Variants in TACR1 observed in about 807,000 individuals in gnomAD.
TACR1 encodes substance-P receptor.
Under a neutral mutation model 35.8 loss-of-function variants are expected in TACR1, and 25 were observed. That is an observed-to-expected ratio of 0.70 (90% CI 0.51 to 0.98). The LOEUF (loss-of-function observed/expected upper bound fraction) is 0.98. Among genes scored for constraint, TACR1 ranks in the 50% least tolerant of loss-of-function variants. The pLI is 0.00. For synonymous variants in TACR1, 195 were observed against 206.7 expected, an observed-to-expected ratio of 0.94 and a Z score of 0.48; for missense variants, 478 against 522.9, an observed-to-expected ratio of 0.91 and a Z score of 0.84.
chr2:75,154,410 G>GCGCGCGCGCGTGCGCGCGCA (rs1166779798), intron 1 of TACR1: 1 of 75,364 alleles, frequency 1.3e-5, no homozygotes, highest in African/African-American at 4.9e-5. Context: ...GAGCGCGCAC[G>GCGCGCGCGCGTGCGCGCGCA]CACACACACA....
chr2:75,125,311 G>C (rs539824029), intron 1 of TACR1, among the ~76,000 whole-genome samples: 344 of 152,140 alleles, frequency 2.3e-3, no homozygotes, highest in African/African-American at 8.0e-3. Flanking sequence ...AGTGTCCCAA[G>C]TAGCTGGGAT....
chr2:75,051,520 A>G, intron 3 of TACR1, 73 bp from the exon 4 acceptor site: 2 of 1,584,404 alleles, frequency 1.3e-6, no homozygotes, highest in Non-Finnish European at 1.7e-6. Context: ...CTCTCCTCCC[A>G]CGCCCTCACT....
At chr2:75,154,420 A>ACGCGCGCGCG (rs1457000396) in intron 1 of TACR1, 22 of 74,336 alleles carry the variant, frequency 3.0e-4, no homozygotes, top group African/African-American at 1.5e-3. Flanking sequence ...GCACACACAC[A>ACGCGCGCGCG]CACACACACA....
At chr2:75,143,140 T>C (rs1674442275) in intron 1 of TACR1, among the ~76,000 whole-genome samples, 1 of 152,134 alleles carries the variant, frequency 6.6e-6, no homozygotes, top group Non-Finnish European at 1.5e-5. Flanking sequence ...GCTGCCACAA[T>C]GAACCCAGGA....
chr2:75,161,662 A>T (rs1558575919), intron 1 of TACR1, among the ~76,000 whole-genome samples: 1 of 152,184 alleles, frequency 6.6e-6, no homozygotes, highest in African/African-American at 2.4e-5. Flanking sequence ...AACAGTAGAG[A>T]GAACAACAAA....
rs1202920543 is a variant in TACR1, at chr2:75,070,233, ATGTGTGTGTGTGTGTGTGTATGTGTG to A, written c.585-16504_585-16479del. ...ACATTGTATGTATGTGTGTGTGTGTATGTGTGTGTGTGTGTGTGTATGTGTGTGTGTGTGTGTTTTGAGCACTTCTT... is the reference window on the plus strand; with the variant it reads ...ACATTGTATGTATGTGTGTGTGTGTATGTGTGTGTGTTTTGAGCACTTCTT... On this transcript the variant is annotated intron_variant, in intron 2 of 4. Transcript: ENST00000305249. Among the ~76,000 whole-genome samples the A allele has an allele frequency of 4.4e-3, 393 of 90,136 alleles. 1 individual carries two copies. Among genetic ancestry groups the A allele is most frequent in the African/African-American group, 0.023 (373 of 16,224 alleles). The allele number at this position is 90,136 out of a possible 152,430, so 59.1% of individuals were successfully genotyped here.
intron 1 of TACR1, among the ~76,000 whole-genome samples, chr2:75,160,106 C>A (rs768686723): frequency 1.3e-4 from 19 of 151,990 alleles, no homozygotes; most frequent in Non-Finnish European, 1.6e-4. Context: ...AGTGAACCAG[C>A]AGAGAAAAGA....
At chr2:75,182,446 T>C (rs552281715) in intron 1 of TACR1, among the ~76,000 whole-genome samples, 124 of 152,314 alleles carry the variant, frequency 8.1e-4, no homozygotes, top group African/African-American at 3.0e-3. Flanking sequence ...TTCCTTTAGA[T>C]CTCAGCCCTG....
intron 4 of TACR1, among the ~76,000 whole-genome samples, chr2:75,050,872 A>G (rs1267812439): frequency 2.0e-5 from 3 of 152,226 alleles, no homozygotes; most frequent in Admixed American, 6.5e-5. Context: ...TACTGGATCC[A>G]TAGAGCAGAG....
chr2:75,051,296 C>T lies in TACR1; in HGVS notation c.887G>A (p.Ser296Asn). 1 of 1,614,214 alleles carries T rather than the reference C, an allele frequency of 6.2e-7. No individual in the cohort carries two copies. The highest frequency in any genetic ancestry group is 8.5e-7 in the Non-Finnish European group (1 of 1,180,034). The change falls in exon 4 of 5, where the codon AGC becomes AAC. Residue 296 changes from serine (S) to asparagine (N), a missense_variant. Ser to Asn is a conservative substitution (Grantham distance 46). Coordinates refer to ENST00000305249, the MANE Select transcript of TACR1 (RefSeq NM_001058.4). ...GATGATGGGGTTGTACATGGTGGAG[C>T]TCATGGCCAGCCACATGATGGCCAG... ...VYLAIMWLAM[S>N]STMYNPIIYC...
chr2:75,138,188 G>T (rs1444870067), intron 1 of TACR1, among the ~76,000 whole-genome samples: 1 of 152,204 alleles, frequency 6.6e-6, no homozygotes, highest in Non-Finnish European at 1.5e-5. Flanking sequence ...TCCCCACTTT[G>T]AAAGGGGTAT....
At chr2:75,063,650 A>G (rs1455222179) in intron 2 of TACR1, among the ~76,000 whole-genome samples, 5 of 152,064 alleles carry the variant, frequency 3.3e-5, no homozygotes, top group Admixed American at 6.6e-5. Context: ...TCCTTCATCT[A>G]TCCCTCCTTA....
chr2:75,053,563 G>A, intron 3 of TACR1, 42 bp downstream of exon 3: 2 of 1,473,782 alleles, frequency 1.4e-6, no homozygotes, highest in Non-Finnish European at 1.8e-6. Context: ...ACAGCCTGTT[G>A]TCTGTGCCAG....
intron 1 of TACR1, among the ~76,000 whole-genome samples, chr2:75,157,651 T>C (rs183499140): frequency 2.8e-4 from 43 of 152,320 alleles, no homozygotes; most frequent in Middle Eastern, 3.4e-3. Flanking sequence ...AGGAGTGCCC[T>C]GTCCTTACAC....
chr2:75,072,270 A>G (rs1195863916), intron 2 of TACR1, among the ~76,000 whole-genome samples: 1 of 152,172 alleles, frequency 6.6e-6, no homozygotes, highest in African/African-American at 2.4e-5. Flanking sequence ...TGCCAGGTCA[A>G]GGATGCAGGA....
intron 2 of TACR1, among the ~76,000 whole-genome samples, chr2:75,077,925 A>T (rs1673011854): frequency 6.6e-6 from 1 of 152,208 alleles, no homozygotes; most frequent in South Asian, 2.1e-4. Flanking sequence ...AATCAAACTT[A>T]AATCAGTGAG....
intron 1 of TACR1, among the ~76,000 whole-genome samples, chr2:75,168,854 T>C (rs1449431800): frequency 2.0e-5 from 3 of 152,188 alleles, no homozygotes; most frequent in Non-Finnish European, 4.4e-5. Context: ...GTGAATATAG[T>C]AGCAATGATT....
At chr2:75,093,300 G>A (rs1384950028) in intron 2 of TACR1, among the ~76,000 whole-genome samples, 2 of 152,132 alleles carry the variant, frequency 1.3e-5, no homozygotes, top group African/African-American at 4.8e-5. Context: ...TAGCATCTAT[G>A]CAGCAAAAGT....
chr2:75,071,776 G>C (rs983971706), intron 2 of TACR1, among the ~76,000 whole-genome samples: 1 of 152,142 alleles, frequency 6.6e-6, no homozygotes, highest in Non-Finnish European at 1.5e-5. Context: ...TTAGTGCCCA[G>C]ATTAATGCTT....
Sources: allele counts gnomAD v4.1 joint callset (sites outside exome capture counted in the v4.1 genomes callset), GRCh38; gene constraint gnomAD v4.1.1; transcripts MANE v1.5; gene names NCBI Gene and HGNC (gene_info 2026-07-23, HGNC 2026-07-21).